PARPBP: variants seen among roughly 807,000 people sequenced by gnomAD.
PARPBP encodes the protein PCNA-interacting partner.
PARPBP carries 52 observed loss-of-function variants against 50.0 expected under a neutral mutation model. The observed-to-expected ratio is 1.04, with a 90% CI of 0.83 to 1.31. The LOEUF is 1.31. PARPBP is among the 50% of genes most tolerant of loss of function. The probability of loss-of-function intolerance (pLI) is 0.00; values close to 1 mark genes in which losing one functional copy is unlikely to be tolerated. For synonymous variants in PARPBP, 244 were observed against 232.1 expected (o/e 1.05, Z -0.47); for missense variants, 697 against 672.0 (o/e 1.04, Z -0.41).
chr12:102,180,080 T>C (rs563970649), intron 8 of PARPBP, among the ~76,000 whole-genome samples: 1 of 152,274 alleles, frequency 6.6e-6, no homozygotes, highest in Non-Finnish European at 1.5e-5. Flanking sequence ...TCATCTTCTT[T>C]ACCAACTTCC....
At chr12:102,188,103 C>A (rs943526954) in intron 9 of PARPBP, among the ~76,000 whole-genome samples, 6 of 152,178 alleles carry the variant, frequency 3.9e-5, no homozygotes, top group Admixed American at 1.3e-4. Context: ...GGGCTGTCAA[C>A]AAATTGGAAA....
At chr12:102,195,898 T>C in intron 10 of PARPBP, 53 bp from the exon 11 acceptor site, 1 of 1,179,378 alleles carries the variant, frequency 8.5e-7, no homozygotes, top group African/African-American at 1.5e-5. Flanking sequence ...TTCTCGTAAA[T>C]ATTAATACTC....
At chr12:102,121,174 A>G (rs1365059740) in intron 1 of PARPBP, among the ~76,000 whole-genome samples, 4 of 152,218 alleles carry the variant, frequency 2.6e-5, no homozygotes, top group Non-Finnish European at 5.9e-5. Context: ...TCCCACAGCC[A>G]GCTAGCTACA....
chr12:102,187,007 C>T lies in PARPBP; in HGVS notation c.1263+4380C>T, dbSNP rs570699650. On this transcript the variant is annotated intron_variant, in intron 9 of 10. Coordinates refer to ENST00000327680, the MANE Select transcript of PARPBP (RefSeq NM_017915.5). ...ATGGTATTAGAAACTTCAAATTTAA[C>T]CTTTATGATATTTGAAAACTCTTGA... 2.6e-5 allele frequency among the ~76,000 whole-genome samples: 4 copies of T among 151,730 alleles called. No individual in the cohort carries two copies. In the East Asian group the frequency reaches 7.7e-4, roughly 29 times the overall value.
At position 102,151,861 on chromosome 12, in the gene PARPBP, A is replaced by G. The variant is rs1038600842; in HGVS notation, c.388-2008A>G. ...TGAAGAAGCCACCTGGCACCAACTC[A>G]CTGTCCAAGCTGAGAAGAAGGAACC... is the stretch of plus-strand genomic sequence containing the variant. On this transcript the variant is annotated intron_variant, in intron 3 of 10. Transcript: ENST00000327680. The G allele has an allele frequency of 9.7e-6, 12 of 1,243,100 alleles. No individual in the cohort carries two copies. In the Admixed American group the frequency reaches 2.2e-4, roughly 23 times the overall value. The allele number at this position is 1,243,100 out of a possible 1,614,324, so 77.0% of individuals were successfully genotyped here.
intron 9 of PARPBP, among the ~76,000 whole-genome samples, chr12:102,193,779 A>G (rs1470354847): frequency 6.6e-6 from 1 of 152,070 alleles, no homozygotes; most frequent in Non-Finnish European, 1.5e-5. Context: ...CTTCAGTTAC[A>G]TATAGGGCAT....
chr12:102,163,666 A>G (rs549697669), intron 4 of PARPBP, among the ~76,000 whole-genome samples: 2 of 152,030 alleles, frequency 1.3e-5, no homozygotes, highest in South Asian at 4.2e-4. Context: ...GATAATATCT[A>G]TTGGTTTGTC....
chr12:102,172,678 T>C (rs1276814609), intron 6 of PARPBP, among the ~76,000 whole-genome samples: 1 of 152,220 alleles, frequency 6.6e-6, no homozygotes, highest in Non-Finnish European at 1.5e-5. Flanking sequence ...TTACATCATC[T>C]TTAAAATTTA....
chr12:102,184,162 T>G (rs1890102826), intron 9 of PARPBP, among the ~76,000 whole-genome samples: 1 of 152,074 alleles, frequency 6.6e-6, no homozygotes, highest in Non-Finnish European at 1.5e-5. Flanking sequence ...TTATTTTATT[T>G]ACTTTTATTA....
intron 8 of PARPBP, among the ~76,000 whole-genome samples, chr12:102,181,859 G>A (rs1889852849): frequency 1.3e-5 from 2 of 152,148 alleles, no homozygotes; most frequent in Non-Finnish European, 2.9e-5. Context: ...GGTGTCTGAT[G>A]AGGGCCTCTT....
rs1434763274 is a variant in PARPBP, at chr12:102,148,370, C to A, written c.294C>A (p.Phe98Leu). The part of the protein sequence containing the change: ...YEDVRKIYDD[F>L]LKNSNMLDLI... Reference sequence around the variant, plus strand: ...ACGTTAGGAAGATTTATGATGATTTCTTGAAGAACAGTAATATGTTAGATC... The same window carrying A: ...ACGTTAGGAAGATTTATGATGATTTATTGAAGAACAGTAATATGTTAGATC... Residue 98 changes from phenylalanine to leucine, a missense_variant, in exon 3 of 11, where the codon TTC becomes TTA. Coordinates refer to ENST00000327680, the MANE Select transcript of PARPBP (RefSeq NM_017915.5). 1 of 1,587,466 alleles carries A rather than the reference C, an allele frequency of 6.3e-7. No homozygotes were observed. Among genetic ancestry groups the A allele is most frequent in the African/African-American group, 1.3e-5 (1 of 74,476 alleles).
At chr12:102,149,720 T>C (rs1885929771) in intron 3 of PARPBP, among the ~76,000 whole-genome samples, 1 of 152,242 alleles carries the variant, frequency 6.6e-6, no homozygotes, top group Admixed American at 6.5e-5. Context: ...GGCAGGCAGC[T>C]TGCTGTCTTT....
At chr12:102,147,805 A>G (rs762851229) in intron 2 of PARPBP, among the ~76,000 whole-genome samples, 8 of 152,278 alleles carry the variant, frequency 5.3e-5, no homozygotes, top group East Asian at 3.9e-4. Flanking sequence ...CACTATGGCA[A>G]TGAGAATTTT....
chr12:102,120,861 G>A (rs1211896951), intron 1 of PARPBP, among the ~76,000 whole-genome samples: 1 of 152,164 alleles, frequency 6.6e-6, no homozygotes, highest in African/African-American at 2.4e-5. Context: ...AGGTCATAAA[G>A]GGGGAGCCTG....
intron 2 of PARPBP, among the ~76,000 whole-genome samples, chr12:102,137,662 AC>A (rs1402870269): frequency 5.3e-5 from 7 of 132,184 alleles, no homozygotes; most frequent in Admixed American, 3.1e-4. Context: ...CGCTCCCCCC[AC>A]CCCACGACAG....
intron 2 of PARPBP, among the ~76,000 whole-genome samples, chr12:102,136,072 T>C (rs1012531695): frequency 1.3e-5 from 2 of 152,218 alleles, no homozygotes; most frequent in African/African-American, 4.8e-5. Context: ...ATTTTTAAAA[T>C]AGAGCACATT....
At chr12:102,185,455 C>T (rs1384440518) in intron 9 of PARPBP, among the ~76,000 whole-genome samples, 1 of 152,070 alleles carries the variant, frequency 6.6e-6, no homozygotes, top group East Asian at 1.9e-4. Context: ...AGGATGTGTG[C>T]ATCAATTTTC....
intron 2 of PARPBP, among the ~76,000 whole-genome samples, chr12:102,142,431 A>G (rs1884755567): frequency 6.6e-6 from 1 of 152,226 alleles, no homozygotes; most frequent in African/African-American, 2.4e-5. Flanking sequence ...GGGTTTAAAC[A>G]TCCTCCTTTA....
intron 1 of PARPBP, among the ~76,000 whole-genome samples, chr12:102,121,274 G>A (rs1050072832): frequency 6.6e-6 from 1 of 152,140 alleles, no homozygotes; most frequent in African/African-American, 2.4e-5. Flanking sequence ...GGAGTGTTAC[G>A]TGTTTATATG....
Sources: allele counts gnomAD v4.1 joint callset (sites outside exome capture counted in the v4.1 genomes callset), GRCh38; gene constraint gnomAD v4.1.1; transcripts MANE v1.5; gene names NCBI Gene and HGNC (gene_info 2026-07-23, HGNC 2026-07-21).